Variants in TARS1 observed in about 807,000 individuals in gnomAD.
TARS1 encodes the protein threonyl-tRNA synthetase 1, also known as threonine--tRNA ligase 1, cytoplasmic.
A neutral mutation model predicts 97.7 loss-of-function variants in TARS1; 57 were observed. That is an observed-to-expected ratio of 0.58 (90% CI 0.47 to 0.73). The LOEUF (loss-of-function observed/expected upper bound fraction) is 0.73. Among genes scored for constraint, TARS1 ranks in the 30% least tolerant of loss-of-function variants. The pLI is 0.00. For synonymous variants in TARS1, 312 were observed against 293.7 expected (o/e 1.06, Z -0.64); for missense variants, 806 against 888.3 (o/e 0.91, Z 1.18).
rs1361944245 is a variant in TARS1, at chr5:33,460,984, C to A, written c.1333C>A (p.Leu445Met). 6.2e-7 allele frequency: 1 copy of A among 1,614,154 alleles called. No homozygotes were observed. The highest frequency in any genetic ancestry group is 1.1e-5 in the South Asian group (1 of 91,084). ...ADFGVLHRNE[L>M]SGALTGLTRV... ...TTTTGGGGTACTTCATAGGAACGAG[C>A]TGTCTGGAGCACTCACAGGACTCAC... Residue 445 changes from leucine (L) to methionine (M), a missense_variant, in exon 12 of 19, where the codon CTG (leucine) becomes ATG (methionine). Coordinates refer to ENST00000265112, the MANE Select transcript of TARS1 (RefSeq NM_152295.5).
At chr5:33,441,167 G>C (rs1039415706) in intron 1 of TARS1, 24 bp downstream of exon 1, 1 of 1,614,114 alleles carries the variant, frequency 6.2e-7, no homozygotes, top group Non-Finnish European at 8.5e-7. Flanking sequence ...GTGGGACCCA[G>C]AGACCAGCCT....
At chr5:33,449,318 TATATATATACGC>T (rs1741587188) in intron 3 of TARS1, among the ~76,000 whole-genome samples, 1 of 141,578 alleles carries the variant, frequency 7.1e-6, no homozygotes, top group African/African-American at 2.7e-5. Flanking sequence ...TATATATGTG[TATATATATACGC>T]GTATATATAC....
At chr5:33,462,349 G>A in intron 16 of TARS1, 146 bp downstream of exon 16, 7 of 713,114 alleles carry the variant, frequency 9.8e-6, no homozygotes, top group South Asian at 4.1e-5. Flanking sequence ...TAAAAAATAA[G>A]GAATCACAAT....
chr5:33,440,935 C>T (rs1579569481), upstream of TARS1: 2 of 804,704 alleles, frequency 2.5e-6, no homozygotes, highest in East Asian at 5.4e-5. Flanking sequence ...CGTTCCGCCG[C>T]AAGTTGGGGG....
At chr5:33,451,523 C>T (rs1007353209) in intron 3 of TARS1, among the ~76,000 whole-genome samples, 8 of 151,736 alleles carry the variant, frequency 5.3e-5, no homozygotes, top group Non-Finnish European at 7.4e-5. Context: ...TACAGGCGCC[C>T]GCCACCACGC....
rs769681224 is a variant in TARS1, at chr5:33,443,320, C to CCTCTCTCTCT, written c.58-1972_58-1963dup. On this transcript the variant is annotated intron_variant, in intron 1 of 18. Coordinates refer to ENST00000265112, the MANE Select transcript of TARS1 (RefSeq NM_152295.5). ...TGTGGTGATTCCCTCTCTCTCTCTC[C>CCTCTCTCTCT]CTCTCTCTCTCTCTCTCTCTCTCTC... 5.7e-3 allele frequency among the ~76,000 whole-genome samples: 674 copies of CCTCTCTCTCT among 118,448 alleles called. 14 individuals carry two copies. The highest frequency in any genetic ancestry group is 0.014 in the African/African-American group (443 of 31,462). The allele number at this position is 118,448 out of a possible 152,430, so 77.7% of individuals were successfully genotyped here. A position where few individuals can be genotyped will look rare whatever the true frequency, so the allele number is the denominator to read the frequency against.
chr5:33,457,892 C>G (rs1249639990), intron 9 of TARS1, among the ~76,000 whole-genome samples: 4 of 152,178 alleles, frequency 2.6e-5, no homozygotes, highest in African/African-American at 7.2e-5. Context: ...AAAACATTCC[C>G]CCTTAAAATA....
intron 5 of TARS1, 56 bp downstream of exon 5, chr5:33,455,122 T>G (rs1304166367): frequency 6.3e-7 from 1 of 1,599,744 alleles, no homozygotes; most frequent in Admixed American, 1.7e-5. Context: ...ATCCATAAGT[T>G]ATTCTTAAGA....
upstream of TARS1, chr5:33,440,827 C>T: frequency 3.6e-6 from 2 of 551,018 alleles, no homozygotes; most frequent in South Asian, 2.4e-5. Context: ...CCTCACCCTC[C>T]GCGACCTGAT....
chr5:33,461,600 C>T (rs1742294865), intron 13 of TARS1, 67 bp from the exon 14 acceptor site: 1 of 1,478,992 alleles, frequency 6.8e-7, no homozygotes, highest in Admixed American at 1.8e-5. Flanking sequence ...TATTTTTAGT[C>T]TCAAATTAGG....
rs149929952 is a variant in TARS1 at position 33,464,491 on chromosome 5, G to A, written c.1908+666G>A. ...TAACTTCACTTTAAAGCATTGTTCT[G>A]CCATAGTGAAAATTCCATACTAAGG... On this transcript the variant is annotated intron_variant, in intron 17 of 18. Coordinates refer to ENST00000265112, the MANE Select transcript of TARS1 (RefSeq NM_152295.5). Among the ~76,000 whole-genome samples the A allele has an allele frequency of 4.8e-3, 725 of 152,246 alleles. 9 individuals carry two copies. Among genetic ancestry groups the A allele is most frequent in the African/African-American group, 0.017 (696 of 41,546 alleles).
rs1250838761 is a variant in TARS1, at chr5:33,456,167, T to C, written c.777T>C (p.Asp259=). The C allele has an allele frequency of 6.2e-7, 1 of 1,614,084 alleles. No individual in the cohort carries two copies. The highest frequency in any genetic ancestry group is 2.2e-5 in the East Asian group (1 of 44,876). ...TTVYRCGPLI[D]LCRGPHVRHT... ...TCTTTAGATGTGGCCCTTTGATAGA[T>C]CTCTGCCGGGGTCCTCATGTTAGAC... Residue 259 remains aspartate, a synonymous_variant, in exon 8 of 19, where the codon GAT becomes GAC. Transcript: ENST00000265112.
intron 3 of TARS1, 67 bp from the exon 4 acceptor site, chr5:33,453,222 T>G: frequency 7.1e-7 from 1 of 1,407,878 alleles, no homozygotes; most frequent in Non-Finnish European, 9.3e-7. Context: ...TTTATTTTCC[T>G]GTTTTCAAAT....
chr5:33,463,388 C>G (rs2111592597), intron 16 of TARS1, among the ~76,000 whole-genome samples: 1 of 152,286 alleles, frequency 6.6e-6, no homozygotes, highest in Admixed American at 6.5e-5. Flanking sequence ...ATAAAATGAA[C>G]AATTAATCAC....
At chr5:33,442,673 T>A (rs1741169015) in intron 1 of TARS1, among the ~76,000 whole-genome samples, 1 of 151,996 alleles carries the variant, frequency 6.6e-6, no homozygotes, top group African/African-American at 2.4e-5. Flanking sequence ...CCTGGCTAAT[T>A]TTTTGTATTT....
chr5:33,451,430 A>C (rs1260034740), intron 3 of TARS1, among the ~76,000 whole-genome samples: 1 of 146,796 alleles, frequency 6.8e-6, no homozygotes, highest in Non-Finnish European at 1.5e-5. Flanking sequence ...GCTGGAGTGC[A>C]TTGGCGCCAT....
chr5:33,440,755 T>G (rs548578835), upstream of TARS1: 91 of 462,104 alleles, frequency 2.0e-4, no homozygotes, highest in Middle Eastern at 1.7e-3. Flanking sequence ...GGGACTTGAC[T>G]CTGGAAAGCG....
chr5:33,461,230 C>T lies in TARS1; in HGVS notation c.1486C>T (p.Leu496=). The T allele has an allele frequency of 6.2e-7, 1 of 1,614,020 alleles. No individual in the cohort carries two copies. The highest frequency in any genetic ancestry group is 1.1e-5 in the South Asian group (1 of 91,050). Residue 496 remains leucine, a synonymous_variant, in exon 13 of 19, where the codon CTA becomes TTA. Transcript: ENST00000265112. ...TAGCGTATTTGGATTTTCTTTTAAA[C>T]TAAACCTTTCTACTCGCCCGGAAAA... ...VYSVFGFSFK[L]NLSTRPEKFL...
At chr5:33,441,200 C>G in intron 1 of TARS1, 57 bp downstream of exon 1, 1 of 1,602,382 alleles carries the variant, frequency 6.2e-7, no homozygotes, top group Non-Finnish European at 8.5e-7. Flanking sequence ...GGTGCAGACG[C>G]TACGCTCGCG....
Sources: allele counts gnomAD v4.1 joint callset (sites outside exome capture counted in the v4.1 genomes callset), GRCh38; gene constraint gnomAD v4.1.1; transcripts MANE v1.5; gene names NCBI Gene and HGNC (gene_info 2026-07-23, HGNC 2026-07-21).